The following PALM2AKAP2 variants were observed in gnomAD, a reference collection of about 807,000 sequenced individuals.
PALM2AKAP2 encodes PALM2 and AKAP2 fusion.
In PALM2AKAP2, 37 loss-of-function variants were observed where a neutral mutation model predicts 71.5. The observed-to-expected ratio is 0.52, with a 90% CI of 0.40 to 0.68. PALM2AKAP2 has a LOEUF of 0.68. Ranked by LOEUF, PALM2AKAP2 falls within the 30% of genes least tolerant of loss-of-function variation. PALM2AKAP2 has a pLI of 0.00. For synonymous variants in PALM2AKAP2, 468 were observed against 478.8 expected (o/e 0.98, Z 0.29); for missense variants, 1,224 against 1,191.8 (o/e 1.03, Z -0.40).
chr9:110,053,658 A>G (rs568566439), intron 1 of PALM2AKAP2, among the ~76,000 whole-genome samples: 1 of 152,286 alleles, frequency 6.6e-6, no homozygotes, highest in East Asian at 1.9e-4. Context: ...CAACTGGAGA[A>G]GGTGCCCTGT....
intron 1 of PALM2AKAP2, among the ~76,000 whole-genome samples, chr9:109,691,945 T>C (rs1182377538): frequency 7.2e-5 from 10 of 139,002 alleles, no homozygotes; most frequent in South Asian, 2.3e-4. Flanking sequence ...TATATACACA[T>C]ATATATATAT....
chr9:110,098,248 A>T (rs1228859645), intron 1 of PALM2AKAP2, among the ~76,000 whole-genome samples: 1 of 151,970 alleles, frequency 6.6e-6, no homozygotes, highest in Non-Finnish European at 1.5e-5. Context: ...CTCAAATGTC[A>T]GTTGACTTTT....
intron 6 of PALM2AKAP2, among the ~76,000 whole-genome samples, chr9:109,997,613 T>C (rs1009617111): frequency 1.3e-5 from 2 of 152,144 alleles, no homozygotes; most frequent in African/African-American, 2.4e-5. Flanking sequence ...TAACCTATGG[T>C]GAGTTCGAGA....
At chr9:110,073,809 T>G (rs1834261877) in intron 1 of PALM2AKAP2, among the ~76,000 whole-genome samples, 1 of 152,204 alleles carries the variant, frequency 6.6e-6, no homozygotes, top group Non-Finnish European at 1.5e-5. Flanking sequence ...AAACATATTA[T>G]GAAATGCTGT....
intron 1 of PALM2AKAP2, among the ~76,000 whole-genome samples, chr9:109,703,929 A>C (rs1732652018): frequency 6.6e-6 from 1 of 152,182 alleles, no homozygotes; most frequent in Admixed American, 6.5e-5. Flanking sequence ...AAAAATTAAG[A>C]GGTCTTTCAT....
chr9:110,123,877 A>G (rs1835542168), intron 1 of PALM2AKAP2, among the ~76,000 whole-genome samples: 2 of 152,218 alleles, frequency 1.3e-5, no homozygotes, highest in African/African-American at 4.8e-5. Context: ...CAAGCAGAGC[A>G]ATGCCATTGG....
In PALM2AKAP2 at chr9:110,067,161, A is replaced by T. The variant is rs184901951; in HGVS notation, c.156+18306A>T. Among the ~76,000 whole-genome samples, 496 of 152,272 alleles carry T rather than the reference A, an allele frequency of 3.3e-3. 4 individuals are homozygous for T. Among genetic ancestry groups the T allele is most frequent in the African/African-American group, 0.011 (466 of 41,558 alleles). ...TTCTCCAACTCTGGGCAGATTACCG[A>T]GAGTAGGATGCCAGGTTACATTCTC... On this transcript the variant is annotated intron_variant, in intron 1 of 3. Transcript: ENST00000374525.
chr9:109,793,282 C>T (rs1005064707), intron 1 of PALM2AKAP2, among the ~76,000 whole-genome samples: 2 of 152,246 alleles, frequency 1.3e-5, no homozygotes, highest in East Asian at 3.8e-4. Flanking sequence ...TACAGCCCCT[C>T]CTCTACCCTT....
At chr9:110,078,137 GA>G (rs1399460344) in intron 1 of PALM2AKAP2, among the ~76,000 whole-genome samples, 7 of 152,154 alleles carry the variant, frequency 4.6e-5, no homozygotes, top group African/African-American at 1.7e-4. Context: ...ATATGTAAAT[GA>G]ATAGGCGTGG....
intron 6 of PALM2AKAP2, among the ~76,000 whole-genome samples, chr9:109,964,078 A>T (rs1449699035): frequency 6.6e-6 from 1 of 152,264 alleles, no homozygotes; most frequent in African/African-American, 2.4e-5. Flanking sequence ...TATATTTGCC[A>T]ACTTAGTAAG....
intron 1 of PALM2AKAP2, among the ~76,000 whole-genome samples, chr9:109,758,357 A>G (rs537706926): frequency 6.6e-6 from 1 of 152,146 alleles, no homozygotes; most frequent in African/African-American, 2.4e-5. Flanking sequence ...TGTAGGATAA[A>G]ATTTGTGGAA....
intron 1 of PALM2AKAP2, among the ~76,000 whole-genome samples, chr9:110,102,036 T>C (rs989028220): frequency 6.6e-6 from 1 of 152,190 alleles, no homozygotes; most frequent in African/African-American, 2.4e-5. Context: ...ACCACACTCT[T>C]GTCTCATTTT....
At chr9:109,668,555 G>A (rs1827526319) in intron 1 of PALM2AKAP2, among the ~76,000 whole-genome samples, 1 of 152,192 alleles carries the variant, frequency 6.6e-6, no homozygotes, top group African/African-American at 2.4e-5. Flanking sequence ...TAGATTGTGT[G>A]TCTGGGCAAA....
At chr9:110,141,343 G>T (rs1836023123) in intron 2 of PALM2AKAP2, among the ~76,000 whole-genome samples, 1 of 152,082 alleles carries the variant, frequency 6.6e-6, no homozygotes, top group Non-Finnish European at 1.5e-5. Context: ...GTGCAAGTCT[G>T]TTCCAATCTT....
chr9:109,921,111 G>A (rs535419395), intron 3 of PALM2AKAP2, among the ~76,000 whole-genome samples: 54 of 152,206 alleles, frequency 3.5e-4, no homozygotes, highest in Non-Finnish European at 7.3e-4. Context: ...TTTGCGTCTC[G>A]CCCACACACA....
chr9:110,109,635 G>A (rs1046593543), intron 1 of PALM2AKAP2, among the ~76,000 whole-genome samples: 2 of 152,120 alleles, frequency 1.3e-5, no homozygotes, highest in Non-Finnish European at 2.9e-5. Context: ...TAATTCTGCC[G>A]CGGTATGGGC....
intron 1 of PALM2AKAP2, among the ~76,000 whole-genome samples, chr9:109,837,787 A>G (rs1828522802): frequency 6.6e-6 from 1 of 152,224 alleles, no homozygotes; most frequent in Non-Finnish European, 1.5e-5. Context: ...AAAGAAGGCC[A>G]TTACATAATG....
At chr9:109,911,432 G>A (rs776227921) in intron 3 of PALM2AKAP2, among the ~76,000 whole-genome samples, 4 of 152,132 alleles carry the variant, frequency 2.6e-5, no homozygotes, top group Admixed American at 1.3e-4. Context: ...GGAGAGAAAA[G>A]CTGGTGTCTC....
intron 1 of PALM2AKAP2, among the ~76,000 whole-genome samples, chr9:110,104,305 T>A (rs1835066980): frequency 6.6e-6 from 1 of 152,116 alleles, no homozygotes; most frequent in Admixed American, 6.5e-5. Context: ...AAATTGAAAC[T>A]GGTCCAGATG....
Sources: allele counts gnomAD v4.1 joint callset (sites outside exome capture counted in the v4.1 genomes callset), GRCh38; gene constraint gnomAD v4.1.1; transcripts MANE v1.5; gene names NCBI Gene and HGNC (gene_info 2026-07-23, HGNC 2026-07-21).